The following GRID1 variants were observed in gnomAD, a reference collection of about 807,000 sequenced individuals.
GRID1 encodes the protein glutamate receptor ionotropic, delta-1.
Under a neutral mutation model 98.0 loss-of-function variants are expected in GRID1, and 28 were observed. The observed-to-expected ratio is 0.29, with a 90% CI of 0.21 to 0.39. The LOEUF (loss-of-function observed/expected upper bound fraction) is 0.39. Among genes scored for constraint, GRID1 ranks in the 10% least tolerant of loss-of-function variants. The pLI is 1.00. For missense variants in GRID1, 1,111 were observed against 1,340.5 expected (o/e 0.83, Z 2.67); for synonymous variants, 553 against 538.5 (o/e 1.03, Z -0.37).
At chr10:85,674,919 G>A (rs560082895) in intron 12 of GRID1, among the ~76,000 whole-genome samples, 16 of 152,192 alleles carry the variant, frequency 1.1e-4, no homozygotes, top group African/African-American at 3.4e-4. Flanking sequence ...TTAGAGTATC[G>A]TTCTGCTTAA....
At chr10:86,355,025 G>A (rs760546591) in intron 2 of GRID1, among the ~76,000 whole-genome samples, 5 of 152,220 alleles carry the variant, frequency 3.3e-5, no homozygotes, top group Non-Finnish European at 7.3e-5. Flanking sequence ...GAAGTGAGAG[G>A]AGGACAAGTC....
intron 8 of GRID1, among the ~76,000 whole-genome samples, chr10:85,812,135 C>G (rs1435972742): frequency 6.6e-6 from 1 of 152,004 alleles, no homozygotes; most frequent in Non-Finnish European, 1.5e-5. Flanking sequence ...AAAGTCTTTC[C>G]CAGATAAGCA....
intron 5 of GRID1, among the ~76,000 whole-genome samples, chr10:85,880,775 C>A (rs1036769500): frequency 6.6e-6 from 1 of 151,940 alleles, no homozygotes; most frequent in African/African-American, 2.4e-5. Flanking sequence ...CTGGCCAGGG[C>A]AATTAGGCAG....
chr10:85,870,027 C>G (rs1183504684), intron 5 of GRID1, among the ~76,000 whole-genome samples: 1 of 152,278 alleles, frequency 6.6e-6, no homozygotes, highest in East Asian at 1.9e-4. Flanking sequence ...TGAGTATCAA[C>G]TTGATTGGAT....
chr10:85,608,256 C>A (rs984639089), intron 15 of GRID1, among the ~76,000 whole-genome samples: 2 of 152,182 alleles, frequency 1.3e-5, no homozygotes, highest in African/African-American at 4.8e-5. Context: ...TGGTTTTCAT[C>A]CTTGGCTGGA....
chr10:85,620,295 G>C (rs1164880178), intron 13 of GRID1, among the ~76,000 whole-genome samples: 1 of 152,210 alleles, frequency 6.6e-6, no homozygotes, highest in African/African-American at 2.4e-5. Context: ...AGGAGCTAGA[G>C]GTGGGCTCTA....
intron 8 of GRID1, among the ~76,000 whole-genome samples, chr10:85,741,795 A>G (rs1841945914): frequency 6.6e-6 from 1 of 151,882 alleles, no homozygotes; most frequent in South Asian, 2.1e-4. Context: ...TTTAACCCCA[A>G]CCATCACACT....
At chr10:86,354,729 C>G (rs12358144) in intron 2 of GRID1, among the ~76,000 whole-genome samples, 35,998 of 152,204 alleles carry the variant, frequency 0.24, 4,908 homozygotes, top group South Asian at 0.45. Flanking sequence ...CCCGGGGAGG[C>G]AGGGGCAGGC....
At chr10:85,903,286 C>T (rs1841414680) in intron 5 of GRID1, among the ~76,000 whole-genome samples, 1 of 152,130 alleles carries the variant, frequency 6.6e-6, no homozygotes, top group Non-Finnish European at 1.5e-5. Flanking sequence ...CTTTTCAGTT[C>T]CTGAAGCTAA....
At chr10:86,045,256 G>A (rs1425531528) in intron 4 of GRID1, among the ~76,000 whole-genome samples, 1 of 152,196 alleles carries the variant, frequency 6.6e-6, no homozygotes, top group Non-Finnish European at 1.5e-5. Context: ...TAATGGCAGA[G>A]TTGGAATTCA....
intron 4 of GRID1, among the ~76,000 whole-genome samples, chr10:86,091,497 T>C (rs1844147653): frequency 1.4e-5 from 2 of 147,266 alleles, no homozygotes; most frequent in Admixed American, 1.4e-4. Context: ...CCAAGGAGAG[T>C]CTGAGCTCAG....
At chr10:85,790,301 G>A (rs1842466778) in intron 8 of GRID1, among the ~76,000 whole-genome samples, 1 of 152,234 alleles carries the variant, frequency 6.6e-6, no homozygotes, top group Admixed American at 6.5e-5. Context: ...ACAAGAGAAT[G>A]ATTAAATGAG....
intron 12 of GRID1, among the ~76,000 whole-genome samples, chr10:85,703,144 G>A (rs1274104294): frequency 6.6e-6 from 1 of 152,062 alleles, no homozygotes; most frequent in South Asian, 2.1e-4. Context: ...TATTAGAGAG[G>A]AAAGCTGTGA....
chr10:86,262,162 G>C (rs1452567678), intron 2 of GRID1, among the ~76,000 whole-genome samples: 1 of 152,242 alleles, frequency 6.6e-6, no homozygotes, highest in African/African-American at 2.4e-5. Flanking sequence ...GAAGAAAGGC[G>C]CTGATCTGAA....
intron 4 of GRID1, among the ~76,000 whole-genome samples, chr10:85,968,777 G>A (rs1373522148): frequency 6.6e-6 from 1 of 152,006 alleles, no homozygotes; most frequent in Non-Finnish European, 1.5e-5. Context: ...AAGCAGTAAT[G>A]GAAAAAGGAA....
At chr10:85,756,387 C>T (rs1329677357) in intron 8 of GRID1, among the ~76,000 whole-genome samples, 1 of 152,178 alleles carries the variant, frequency 6.6e-6, no homozygotes, top group African/African-American at 2.4e-5. Flanking sequence ...TTTATGGCCT[C>T]TCTGTGGCAT....
chr10:85,807,840 T>C (rs1842636664), intron 8 of GRID1, among the ~76,000 whole-genome samples: 1 of 152,174 alleles, frequency 6.6e-6, no homozygotes, highest in Admixed American at 6.5e-5. Flanking sequence ...TTTAAGTTTA[T>C]TATTCACAAG....
chr10:86,120,054 C>T (rs545851469), intron 4 of GRID1, among the ~76,000 whole-genome samples: 1 of 152,230 alleles, frequency 6.6e-6, no homozygotes, highest in East Asian at 1.9e-4. Context: ...CCACCTTGGC[C>T]TCCCAAAGTG....
intron 12 of GRID1, among the ~76,000 whole-genome samples, chr10:85,671,545 A>G (rs1460842072): frequency 6.6e-6 from 1 of 151,276 alleles, no homozygotes; most frequent in East Asian, 1.9e-4. Context: ...CCGTTCCCTC[A>G]TCTCTCTCTC....
Sources: allele counts gnomAD v4.1 joint callset (sites outside exome capture counted in the v4.1 genomes callset), GRCh38; gene constraint gnomAD v4.1.1; transcripts MANE v1.5; gene names NCBI Gene and HGNC (gene_info 2026-07-23, HGNC 2026-07-21).